Variants in ANKRD12 observed in about 807,000 individuals in gnomAD.
The protein encoded by ANKRD12 is ankyrin repeat domain 12.
Under a neutral mutation model 183.4 loss-of-function variants are expected in ANKRD12, and 85 were observed. That is an observed-to-expected ratio of 0.46 (90% CI 0.39 to 0.56). The LOEUF (loss-of-function observed/expected upper bound fraction) is 0.56, where lower values mean the gene tolerates loss of function less well. ANKRD12 is among the 20% of genes least tolerant of loss of function. ANKRD12 has a pLI of 0.00. For missense variants in ANKRD12, 2,405 were observed against 2,357.1 expected (o/e 1.02, Z -0.42); for synonymous variants, 914 against 800.2 (o/e 1.14, Z -2.40).
intron 2 of ANKRD12, among the ~76,000 whole-genome samples, chr18:9,194,841 CA>C (rs1408518258): frequency 3.3e-5 from 5 of 152,048 alleles, no homozygotes; most frequent in African/African-American, 4.8e-5. Flanking sequence ...TTTGTTTACC[CA>C]AAAGAATATA....
chr18:9,187,027 C>T (rs999841451), intron 2 of ANKRD12, among the ~76,000 whole-genome samples: 2 of 152,160 alleles, frequency 1.3e-5, no homozygotes, highest in Admixed American at 1.3e-4. Flanking sequence ...TCCCAAAGTG[C>T]TGGGATTACA....
chr18:9,278,568 G>T (rs2039961518), intron 11 of ANKRD12, among the ~76,000 whole-genome samples: 6 of 152,234 alleles, frequency 3.9e-5, no homozygotes. Flanking sequence ...GAAGGCAGAG[G>T]TGGGCAGATC....
intron 2 of ANKRD12, among the ~76,000 whole-genome samples, chr18:9,184,754 A>G (rs1379804759): frequency 1.3e-5 from 2 of 152,200 alleles, no homozygotes; most frequent in Non-Finnish European, 2.9e-5. Context: ...AGTTGTTTTT[A>G]TATTTACAGA....
chr18:9,239,466 T>G, intron 8 of ANKRD12: 1 of 1,253,576 alleles, frequency 8.0e-7, no homozygotes, highest in Non-Finnish European at 1.0e-6. Context: ...AGCTATGTAT[T>G]GATTTTTCAG....
chr18:9,253,361 C>G (rs1308152662), intron 8 of ANKRD12, among the ~76,000 whole-genome samples: 2 of 152,176 alleles, frequency 1.3e-5, no homozygotes, highest in Admixed American at 1.3e-4. Flanking sequence ...CCTTCCCAGT[C>G]TTTGATAGCT....
intron 10 of ANKRD12, among the ~76,000 whole-genome samples, chr18:9,273,121 C>G (rs888269494): frequency 8.5e-5 from 13 of 152,172 alleles, no homozygotes; most frequent in Admixed American, 3.3e-4. Flanking sequence ...CTACAGGTCC[C>G]AGGGTTATCC....
At chr18:9,186,732 G>A (rs920800045) in intron 2 of ANKRD12, among the ~76,000 whole-genome samples, 1 of 146,650 alleles carries the variant, frequency 6.8e-6, no homozygotes, top group Non-Finnish European at 1.5e-5. Flanking sequence ...TATTTGCAAT[G>A]TGTATTTCTT....
chr18:9,267,393 T>G (rs992117169), intron 10 of ANKRD12, among the ~76,000 whole-genome samples: 17 of 152,110 alleles, frequency 1.1e-4, no homozygotes, highest in African/African-American at 3.4e-4. Flanking sequence ...TCAGGAAATG[T>G]GAAAGAACAG....
chr18:9,153,714 T>C (rs72935263), intron 1 of ANKRD12, among the ~76,000 whole-genome samples: 11,174 of 152,236 alleles, frequency 0.073, 427 homozygotes, highest in African/African-American at 0.082. Flanking sequence ...TCATTTTCTT[T>C]TCTTTACAGG....
chr18:9,257,938 A>G lies in ANKRD12; in HGVS notation c.4671A>G (p.Thr1557=), dbSNP rs1485573332. 2 of 1,613,914 alleles carry G rather than the reference A, an allele frequency of 1.2e-6. No homozygotes were observed. The highest frequency in any genetic ancestry group is 1.3e-5 in the African/African-American group (1 of 74,942). The part of the protein sequence containing the change: ...NTFVLGDVQK[T]DAFVPVYSDS... ...TTGTCCTAGGAGATGTTCAAAAAAC[A>G]GATGCCTTTGTCCCAGTGTACTCTG... The change falls in exon 9 of 13, where the codon ACA becomes ACG. Residue 1557 remains threonine (T), a synonymous_variant. Coordinates refer to ENST00000262126, the MANE Select transcript of ANKRD12 (RefSeq NM_015208.5).
Position 9,279,690 on chromosome 18 carries a change from TAAA to T in ANKRD12, c.6003+58_6003+60del, listed in dbSNP as rs61228777. Reference sequence around the variant, plus strand: ...GTTTAAATGAATGCTTCCCCCTTCTTAAAAAAAAAAAAAACTCTACAGCTGTAT... The same window carrying T: ...GTTTAAATGAATGCTTCCCCCTTCTTAAAAAAAAAAACTCTACAGCTGTAT... On this transcript the variant is annotated intron_variant, in intron 12 of 12. Transcript: ENST00000262126. 3.8e-4 allele frequency: 311 copies of T among 823,840 alleles called. 2 individuals carry two copies. Among genetic ancestry groups the T allele is most frequent in the South Asian group, 3.7e-3 (209 of 56,426 alleles). The allele number at this position is 823,840 out of a possible 1,614,324, so 51.0% of individuals were successfully genotyped here. A position where few individuals can be genotyped will look rare whatever the true frequency, so the allele number is the denominator to read the frequency against.
At chr18:9,163,821 G>A (rs557421748) in intron 1 of ANKRD12, among the ~76,000 whole-genome samples, 20 of 151,934 alleles carry the variant, frequency 1.3e-4, no homozygotes, top group Middle Eastern at 6.8e-3. Flanking sequence ...CATGATTTGC[G>A]CTCTGCTTGC....
chr18:9,254,774 T>C lies in ANKRD12; in HGVS notation c.1507T>C (p.Leu503=), dbSNP rs780755673. 6.8e-7 allele frequency: 1 copy of C among 1,467,686 alleles called. No homozygotes were observed. The highest frequency in any genetic ancestry group is 2.4e-5 in the East Asian group (1 of 41,602). The allele number at this position is 1,467,686 out of a possible 1,614,324, so 90.9% of individuals were successfully genotyped here. ...EGKENTRITN[L]TVNTGLDCSE... The stretch of plus-strand genomic sequence containing the variant: ...AAAAGAAAATACAAGAATAACAAAC[T>C]TGACAGTAAATACTGGACTAGATTG... The change falls in exon 9 of 13, where the codon TTG becomes CTG. Residue 503 remains leucine (L), a synonymous_variant. Transcript: ENST00000262126.
At chr18:9,174,710 C>G (rs1217487766) in intron 1 of ANKRD12, among the ~76,000 whole-genome samples, 1 of 152,166 alleles carries the variant, frequency 6.6e-6, no homozygotes, top group Non-Finnish European at 1.5e-5. Context: ...AGTGTGAGAA[C>G]CTGGACATTT....
chr18:9,165,123 G>A (rs948741190), intron 1 of ANKRD12, among the ~76,000 whole-genome samples: 2 of 152,062 alleles, frequency 1.3e-5, no homozygotes, highest in Admixed American at 1.3e-4. Context: ...AGCTCTTCTC[G>A]TTGAACTGAA....
intron 2 of ANKRD12, among the ~76,000 whole-genome samples, chr18:9,188,140 A>G (rs1025337054): frequency 1.3e-5 from 2 of 152,224 alleles, no homozygotes; most frequent in Non-Finnish European, 2.9e-5. Flanking sequence ...TTTGCTATTC[A>G]GCAATAGCAG....
intron 8 of ANKRD12, among the ~76,000 whole-genome samples, chr18:9,236,741 A>T (rs938273031): frequency 5.3e-5 from 8 of 152,126 alleles, no homozygotes; most frequent in African/African-American, 1.7e-4. Context: ...ATAGAAGAAA[A>T]TTTTTCTGAG....
intron 10 of ANKRD12, among the ~76,000 whole-genome samples, chr18:9,266,132 A>C (rs1401067860): frequency 1.3e-5 from 2 of 152,236 alleles, no homozygotes. Context: ...GACCAAATCT[A>C]CGTCTGATTG....
At chr18:9,161,106 G>A (rs192461644) in intron 1 of ANKRD12, among the ~76,000 whole-genome samples, 1 of 151,722 alleles carries the variant, frequency 6.6e-6, no homozygotes, top group African/African-American at 2.4e-5. Flanking sequence ...GTGTGTGTGT[G>A]TGTTGTTGTT....
Sources: gnomAD v4.1 joint callset for allele counts (sites outside exome capture counted in the v4.1 genomes callset) on GRCh38, gnomAD v4.1.1 for gene constraint, MANE v1.5 for transcripts, NCBI Gene and HGNC (gene_info 2026-07-23, HGNC 2026-07-21) for gene names.